Variants in EPHB1 observed in about 807,000 individuals in gnomAD.
EPHB1 encodes the protein ephrin type-B receptor 1.
Under a neutral mutation model 94.4 loss-of-function variants are expected in EPHB1, and 30 were observed. That is an observed-to-expected ratio of 0.32 (90% CI 0.24 to 0.43). The LOEUF (loss-of-function observed/expected upper bound fraction) is 0.43. Ranked by LOEUF, EPHB1 falls within the 20% of genes least tolerant of loss-of-function variation. The pLI, the probability that EPHB1 is intolerant of heterozygous loss-of-function variation, is 1.00. For synonymous variants in EPHB1, 522 were observed against 489.1 expected (o/e 1.07, Z -0.89); for missense variants, 1,055 against 1,308.3 (o/e 0.81, Z 2.99).
intron 3 of EPHB1, among the ~76,000 whole-genome samples, chr3:134,959,211 A>G (rs1175933141): frequency 6.6e-6 from 1 of 152,144 alleles, no homozygotes; most frequent in Non-Finnish European, 1.5e-5. Context: ...TTTCTTCACC[A>G]ACGTCTTCCC....
chr3:135,242,565 G>C (rs1943812792), intron 13 of EPHB1, among the ~76,000 whole-genome samples: 1 of 152,166 alleles, frequency 6.6e-6, no homozygotes, highest in Non-Finnish European at 1.5e-5. Flanking sequence ...GCTCCAGCCT[G>C]GAGTGGGTGA....
chr3:135,150,108 G>A (rs996963697), intron 5 of EPHB1, among the ~76,000 whole-genome samples: 1 of 152,206 alleles, frequency 6.6e-6, no homozygotes, highest in African/African-American at 2.4e-5. Flanking sequence ...TGGCTTTCCA[G>A]AGAGTAGAGG....
At chr3:134,848,699 G>C in intron 1 of EPHB1, among the ~76,000 whole-genome samples, 1 of 152,238 alleles carries the variant, frequency 6.6e-6, no homozygotes, top group East Asian at 1.9e-4. Context: ...TCTCTCTGCT[G>C]TAGTTGGTAG....
chr3:135,053,034 T>TATATATATATATATATATATAG (rs1342498668), intron 3 of EPHB1, among the ~76,000 whole-genome samples: 1 of 131,182 alleles, frequency 7.6e-6, no homozygotes, highest in East Asian at 2.2e-4. Context: ...TGTGTATATA[T>TATATATATATATATATATATAG]ATATATATAT....
chr3:135,171,630 T>A (rs1223484390), intron 9 of EPHB1, among the ~76,000 whole-genome samples: 1 of 152,186 alleles, frequency 6.6e-6, no homozygotes, highest in African/African-American at 2.4e-5. Context: ...AATAAAGCAG[T>A]GCAAATAGGA....
intron 12 of EPHB1, among the ~76,000 whole-genome samples, chr3:135,215,585 C>T (rs559268171): frequency 7.9e-5 from 12 of 152,250 alleles, no homozygotes; most frequent in Non-Finnish European, 1.2e-4. Context: ...CTGATATTCG[C>T]GAAGGAAAAT....
intron 3 of EPHB1, among the ~76,000 whole-genome samples, chr3:135,055,072 T>A (rs184075401): frequency 6.6e-6 from 1 of 152,216 alleles, no homozygotes; most frequent in African/African-American, 2.4e-5. Context: ...CTTTATCCAG[T>A]TTACTATCAT....
At chr3:135,112,190 G>A (rs1159307023) in intron 4 of EPHB1, among the ~76,000 whole-genome samples, 1 of 152,152 alleles carries the variant, frequency 6.6e-6, no homozygotes, top group Non-Finnish European at 1.5e-5. Flanking sequence ...GGATCCAGAG[G>A]GTAGCCAGTG....
chr3:134,892,410 T>G (rs1345437947), intron 1 of EPHB1, among the ~76,000 whole-genome samples: 1 of 152,238 alleles, frequency 6.6e-6, no homozygotes, highest in African/African-American at 2.4e-5. Flanking sequence ...ATTCCCAGGC[T>G]GGGATGCATA....
chr3:135,082,150 G>A (rs1358913313), intron 3 of EPHB1, among the ~76,000 whole-genome samples: 2 of 152,182 alleles, frequency 1.3e-5, no homozygotes, highest in African/African-American at 4.8e-5. Flanking sequence ...GACTGGGGAA[G>A]CCATGTTCCG....
chr3:134,855,639 A>G lies in EPHB1; in HGVS notation c.58+59950A>G, dbSNP rs116192681. Among the ~76,000 whole-genome samples the G allele has an allele frequency of 2.5e-3, 364 of 144,528 alleles. 1 individual carries two copies. The highest frequency in any genetic ancestry group is 8.8e-3 in the African/African-American group (351 of 39,954). 94.8% of individuals were successfully genotyped at this position (144,528 alleles called of 152,430 possible). On this transcript the variant is annotated intron_variant, in intron 1 of 15. Coordinates refer to ENST00000398015, the MANE Select transcript of EPHB1 (RefSeq NM_004441.5). ...ATTGAGTAGTAACTATTATGGGGAT[A>G]ATATCTTAGAAATTCCTTCTGATAC...
At chr3:134,935,586 A>G (rs2038986475) in intron 2 of EPHB1, among the ~76,000 whole-genome samples, 1 of 152,204 alleles carries the variant, frequency 6.6e-6, no homozygotes, top group Non-Finnish European at 1.5e-5. Context: ...TCTTATATAT[A>G]GAGTGATTGG....
At chr3:135,141,765 C>A (rs1940837798) in intron 5 of EPHB1, among the ~76,000 whole-genome samples, 1 of 152,052 alleles carries the variant, frequency 6.6e-6, no homozygotes, top group African/African-American at 2.4e-5. Flanking sequence ...TGAGGTACCA[C>A]CAGTAACCAT....
At chr3:135,020,676 C>T (rs1416648717) in intron 3 of EPHB1, among the ~76,000 whole-genome samples, 1 of 152,162 alleles carries the variant, frequency 6.6e-6, no homozygotes, top group Non-Finnish European at 1.5e-5. Flanking sequence ...CAAGCTTTCC[C>T]TTTGTGATCT....
chr3:135,213,715 C>A (rs1196630419), intron 12 of EPHB1, among the ~76,000 whole-genome samples: 1 of 152,230 alleles, frequency 6.6e-6, no homozygotes. Flanking sequence ...ATCAAAAGCT[C>A]TATTTCAGCA....
intron 3 of EPHB1, among the ~76,000 whole-genome samples, chr3:135,038,435 A>G (rs950336226): frequency 1.3e-5 from 2 of 152,168 alleles, no homozygotes; most frequent in Non-Finnish European, 2.9e-5. Flanking sequence ...AGGGGAGTAC[A>G]TAGAGAATCC....
At chr3:135,032,970 A>G (rs770677729) in intron 3 of EPHB1, among the ~76,000 whole-genome samples, 3 of 152,186 alleles carry the variant, frequency 2.0e-5, no homozygotes, top group Non-Finnish European at 4.4e-5. Flanking sequence ...GTCCAGGGGT[A>G]GTTTACACCT....
At chr3:134,936,173 G>A (rs1372128281) in intron 2 of EPHB1, among the ~76,000 whole-genome samples, 3 of 152,240 alleles carry the variant, frequency 2.0e-5, no homozygotes, top group South Asian at 4.2e-4. Flanking sequence ...AGGGGCAAAT[G>A]TTCAAAAAGA....
chr3:134,894,265 C>G (rs1308046130), intron 1 of EPHB1, among the ~76,000 whole-genome samples: 1 of 152,192 alleles, frequency 6.6e-6, no homozygotes, highest in African/African-American at 2.4e-5. Flanking sequence ...CTTTTCACCA[C>G]TTCGGAGTTC....
Sources: allele counts gnomAD v4.1 joint callset (sites outside exome capture counted in the v4.1 genomes callset), GRCh38; gene constraint gnomAD v4.1.1; transcripts MANE v1.5; gene names NCBI Gene and HGNC (gene_info 2026-07-23, HGNC 2026-07-21).